PTPN18: variants seen among roughly 807,000 people sequenced by gnomAD.
PTPN18 encodes the protein tyrosine-protein phosphatase non-receptor type 18.
A neutral mutation model predicts 65.4 loss-of-function variants in PTPN18; 65 were observed. The ratio of observed to expected loss-of-function variants is 0.99; its 90% CI spans 0.81 to 1.22. The LOEUF (loss-of-function observed/expected upper bound fraction) is 1.22, where lower values mean the gene tolerates loss of function less well. PTPN18 is among the 50% of genes most tolerant of loss of function. PTPN18 has a pLI of 0.00. For missense variants in PTPN18, 616 were observed against 646.5 expected (o/e 0.95, Z 0.51); for synonymous variants, 255 against 267.8 (o/e 0.95, Z 0.47).
rs1680646247 is a variant in PTPN18 at position 130,373,477 on chromosome 2, A to G, written c.*253A>G. On this transcript the variant is annotated 3_prime_UTR_variant, in exon 15 of 15. Transcript: ENST00000175756. This position sits in a 1 kb window ranked among gnomAD's most constrained non-coding sequence, Gnocchi z 4.1. ...AGAAAGAAGATCAGGAAGGGGCATG[A>G]CCCCTGAGTTATGAAGGGGAGAAGG... 2 of 389,334 alleles carry G rather than the reference A, an allele frequency of 5.1e-6. No homozygotes were observed. Among genetic ancestry groups the G allele is most frequent in the East Asian group, 8.4e-5 (2 of 23,838 alleles). 24.1% of individuals were successfully genotyped at this position (389,334 alleles called of 1,614,324 possible).
chr2:130,365,530 G>A (rs1680353276), intron 5 of PTPN18, among the ~76,000 whole-genome samples: 1 of 152,138 alleles, frequency 6.6e-6, no homozygotes, highest in Non-Finnish European at 1.5e-5. Context: ...CCATTCTGTG[G>A]GTTGTCATTC....
At chr2:130,361,653 T>C (rs1196612701) in intron 5 of PTPN18, among the ~76,000 whole-genome samples, 1 of 151,824 alleles carries the variant, frequency 6.6e-6, no homozygotes, top group Non-Finnish European at 1.5e-5. Flanking sequence ...AATGGCGCGA[T>C]CTTGGCTCAC....
chr2:130,360,778 AC>A (rs1680168000), intron 5 of PTPN18, among the ~76,000 whole-genome samples: 1 of 151,910 alleles, frequency 6.6e-6, no homozygotes, highest in Non-Finnish European at 1.5e-5. Flanking sequence ...TTTTCAAAGA[AC>A]CTGCTTTGGT....
chr2:130,366,539 T>TCACAAACATA lies in PTPN18; in HGVS notation c.415-2594_415-2593insCACAAACATA, dbSNP rs1385546306. Among the ~76,000 whole-genome samples the TCACAAACATA allele has an allele frequency of 8.5e-5, 13 of 152,286 alleles. No individual in the cohort carries two copies. The East Asian group carries it at 2.1e-3, about 25-fold the overall frequency. Reference sequence around the variant, plus strand: ...TTGAGAATTTTTGTGTCTATGTTTGTGAGATATTGGTTAGTAGTTTTCTTT... The same window carrying TCACAAACATA: ...TTGAGAATTTTTGTGTCTATGTTTGTCACAAACATAGAGATATTGGTTAGTAGTTTTCTTT... On this transcript the variant is annotated intron_variant, in intron 5 of 14. Coordinates refer to ENST00000175756, the MANE Select transcript of PTPN18 (RefSeq NM_014369.4).
chr2:130,358,731 G>C lies in PTPN18; in HGVS notation c.94-136G>C, dbSNP rs992231750. On this transcript the variant is annotated intron_variant, in intron 1 of 14. Transcript: ENST00000175756. ...GTATCATTATTATTAGGCAGGCCCA[G>C]TGCCATCAGGGTCTGCACTCACCTC... 4.2e-5 allele frequency: 28 copies of C among 673,236 alleles called. No individual in the cohort carries two copies. The African/African-American group carries it at 4.8e-4, about 12-fold the overall frequency. The allele number at this position is 673,236 out of a possible 1,614,324, so 41.7% of individuals were successfully genotyped here.
At position 130,374,701 on chromosome 2, in the gene PTPN18, G is replaced by C. The variant is rs1198554918; in HGVS notation, c.*1477G>C. The C allele has an allele frequency of 1.3e-5, 6 of 470,938 alleles. No individual in the cohort carries two copies. Among genetic ancestry groups the C allele is most frequent in the South Asian group, 6.2e-5 (4 of 64,564 alleles). The allele number at this position is 470,938 out of a possible 1,614,324, so 29.2% of individuals were successfully genotyped here. ...CTCTGACTGACACTGTGCCTGCCCA[G>C]GTCCCTGTATGCACTGCCACAGTGC... On this transcript the variant is annotated 3_prime_UTR_variant, in exon 15 of 15. Coordinates refer to ENST00000175756, the MANE Select transcript of PTPN18 (RefSeq NM_014369.4).
At chr2:130,361,533 TC>T (rs2104931223) in intron 5 of PTPN18, among the ~76,000 whole-genome samples, 3 of 143,248 alleles carry the variant, frequency 2.1e-5, no homozygotes, top group African/African-American at 8.2e-5. Context: ...TTTCTTTCTT[TC>T]TTTCTTTCTT....
chr2:130,372,858 G>A lies in PTPN18; in HGVS notation c.1241-15G>A, dbSNP rs763547354. 21 of 1,613,798 alleles carry A rather than the reference G, an allele frequency of 1.3e-5. No homozygotes were observed. The highest frequency in any genetic ancestry group is 1.7e-5 in the Non-Finnish European group (20 of 1,179,960). ...GGCTTCCGGAGCTGACCCGTGGGGG[G>A]TCTGCTGCCCTCAGTTCCTGCTGAC... On this transcript the variant is annotated splice_polypyrimidine_tract_variant and intron_variant, in intron 13 of 14. Coordinates refer to ENST00000175756, the MANE Select transcript of PTPN18 (RefSeq NM_014369.4).
In PTPN18 at chr2:130,372,108, C is replaced by G. The variant is rs188965875; in HGVS notation, c.1014-149C>G. The G allele has an allele frequency of 7.9e-3, 5,299 of 673,974 alleles. 32 individuals carry two copies. Among genetic ancestry groups the G allele is most frequent in the Non-Finnish European group, 9.4e-3 (3,927 of 418,746 alleles). The allele number at this position is 673,974 out of a possible 1,614,324, so 41.7% of individuals were successfully genotyped here. On this transcript the variant is annotated intron_variant, in intron 12 of 14. Transcript: ENST00000175756. ...TTGCAGGGCGCTAGGGACACAGAAG[C>G]GAGGCCTCCAACCCAAGGAGCCCTC...
chr2:130,366,142 C>G (rs1680373590), intron 5 of PTPN18, among the ~76,000 whole-genome samples: 2 of 152,156 alleles, frequency 1.3e-5, no homozygotes, highest in South Asian at 4.1e-4. Context: ...CTTGGGTGGC[C>G]TCTAGAAACC....
intron 1 of PTPN18, among the ~76,000 whole-genome samples, chr2:130,358,182 C>T (rs1680054328): frequency 6.6e-6 from 1 of 152,180 alleles, no homozygotes; most frequent in South Asian, 2.1e-4. Flanking sequence ...ACAAGGGCAT[C>T]ATGAGGGCTT....
At chr2:130,372,565 C>A (rs1042961683) in intron 13 of PTPN18, 82 bp downstream of exon 13, 5 of 1,388,274 alleles carry the variant, frequency 3.6e-6, no homozygotes, top group Non-Finnish European at 3.8e-6. Flanking sequence ...GTCCGTCAGG[C>A]CCTGGCGGCC....
Position 130,373,332 on chromosome 2 carries a change from T to TA in PTPN18, c.*111dup. 8.5e-7 allele frequency: 1 copy of TA among 1,177,698 alleles called. No individual in the cohort carries two copies. The highest frequency in any genetic ancestry group is 1.2e-6 in the Non-Finnish European group (1 of 861,142). 73.0% of individuals were successfully genotyped at this position (1,177,698 alleles called of 1,614,324 possible). On this transcript the variant is annotated 3_prime_UTR_variant, in exon 15 of 15. Transcript: ENST00000175756. The surrounding 1 kb of genome is among the most constrained non-coding windows in gnomAD (Gnocchi z 4.1). ...GGAAACAGTGGGCCTGGATCAAAGT[T>TA]AAAGTTTCTCAGGGTGGGAAATGTG... is the stretch of plus-strand genomic sequence containing the variant.
At chr2:130,368,467 C>CT (rs1228781998) in intron 5 of PTPN18, among the ~76,000 whole-genome samples, 1 of 152,146 alleles carries the variant, frequency 6.6e-6, no homozygotes. Flanking sequence ...GATAATGCCT[C>CT]TACACTCTAG....
At chr2:130,359,808 G>A (rs935585801) in intron 5 of PTPN18, 162 bp downstream of exon 5, 1 of 868,344 alleles carries the variant, frequency 1.2e-6, no homozygotes, top group Admixed American at 2.5e-5. Flanking sequence ...TTGTTGATAT[G>A]TTATTCATCC....
rs758257745 is a variant in PTPN18, at chr2:130,359,034, C to T, written c.202+59C>T. The T allele has an allele frequency of 3.6e-5, 56 of 1,558,412 alleles. No individual in the cohort carries two copies. The Admixed American group carries it at 5.1e-4, about 14-fold the overall frequency. Reference sequence around the variant, plus strand: ...CCTTGCACGCCCTGCCACGTCCAGGCGTCAGTGTGCACTGGAGTCACCCAC... The same window carrying T: ...CCTTGCACGCCCTGCCACGTCCAGGTGTCAGTGTGCACTGGAGTCACCCAC... On this transcript the variant is annotated intron_variant, in intron 2 of 14. Coordinates refer to ENST00000175756, the MANE Select transcript of PTPN18 (RefSeq NM_014369.4).
rs1680611056 is a variant in PTPN18 at position 130,372,614 on chromosome 2, CTGA to C, written c.1240+134_1240+136del. 3.7e-5 allele frequency: 45 copies of C among 1,210,558 alleles called. No individual in the cohort carries two copies. In the South Asian group the frequency reaches 7.4e-4, roughly 20 times the overall value. The allele number at this position is 1,210,558 out of a possible 1,614,324, so 75.0% of individuals were successfully genotyped here. A position where few individuals can be genotyped will look rare whatever the true frequency, so the allele number is the denominator to read the frequency against. On this transcript the variant is annotated intron_variant, in intron 13 of 14. Coordinates refer to ENST00000175756, the MANE Select transcript of PTPN18 (RefSeq NM_014369.4). ...CCGCTAGCCTGGCCACGCCCCGACG[CTGA>C]TGTCCAGGCGTCCCTGGCCACGCCC... is the stretch of plus-strand genomic sequence containing the variant.
At chr2:130,369,269 G>C (rs1454075670) in intron 6 of PTPN18, 68 bp downstream of exon 6, 2 of 1,431,420 alleles carry the variant, frequency 1.4e-6, no homozygotes, top group Non-Finnish European at 2.0e-6. Flanking sequence ...CTAAAAGGTT[G>C]AATGATTTAA....
At chr2:130,356,316 C>A in intron 1 of PTPN18, 116 bp downstream of exon 1, 1 of 697,526 alleles carries the variant, frequency 1.4e-6, no homozygotes, top group Non-Finnish European at 2.1e-6. Flanking sequence ...TGTCTCCCCG[C>A]CTCGGGGGGT....
Sources: gnomAD v4.1 joint callset for allele counts (sites outside exome capture counted in the v4.1 genomes callset) on GRCh38, gnomAD v4.1.1 for gene constraint, Gnocchi (gnomAD v3.1) non-coding constraint, MANE v1.5 for transcripts, NCBI Gene and HGNC (gene_info 2026-07-23, HGNC 2026-07-21) for gene names.